The following SMYD3 variants were observed in gnomAD, a reference collection of about 807,000 sequenced individuals.
SMYD3 encodes histone-lysine N-methyltransferase SMYD3.
A neutral mutation model predicts 57.7 loss-of-function variants in SMYD3; 36 were observed. That is an observed-to-expected ratio of 0.62 (90% confidence interval 0.48 to 0.82). The LOEUF is 0.82. Among genes scored for constraint, SMYD3 ranks in the 40% least tolerant of loss-of-function variants. The pLI, the probability that SMYD3 is intolerant of heterozygous loss-of-function variation, is 0.00. For missense variants in SMYD3, 515 were observed against 538.8 expected (o/e 0.96, Z 0.44); for synonymous variants, 211 against 195.0 (o/e 1.08, Z -0.68).
chr1:246,044,373 T>C (rs1181227701), intron 5 of SMYD3, among the ~76,000 whole-genome samples: 1 of 152,204 alleles, frequency 6.6e-6, no homozygotes, highest in South Asian at 2.1e-4. Context: ...GAGAACTCCA[T>C]GTCAAATGGA....
intron 5 of SMYD3, among the ~76,000 whole-genome samples, chr1:246,013,011 A>G (rs977670715): frequency 2.6e-5 from 4 of 151,774 alleles, no homozygotes; most frequent in African/African-American, 9.7e-5. Context: ...AACAGGTCTT[A>G]CATTCCCACA....
intron 5 of SMYD3, among the ~76,000 whole-genome samples, chr1:246,033,031 G>A (rs924994707): frequency 1.4e-4 from 22 of 152,130 alleles, no homozygotes; most frequent in Admixed American, 1.1e-3. Flanking sequence ...GCATACAACC[G>A]AGCAATTTGC....
At chr1:245,887,446 C>T (rs1337161439) in intron 8 of SMYD3, among the ~76,000 whole-genome samples, 2 of 152,184 alleles carry the variant, frequency 1.3e-5, no homozygotes, top group Admixed American at 1.3e-4. Context: ...TATTCCTCCA[C>T]CTTCTTAATA....
At chr1:246,089,651 T>C (rs1414224665) in intron 5 of SMYD3, among the ~76,000 whole-genome samples, 1 of 152,202 alleles carries the variant, frequency 6.6e-6, no homozygotes, top group Non-Finnish European at 1.5e-5. Flanking sequence ...TCATGTTATA[T>C]TTCTTTTGCA....
intron 9 of SMYD3, 99 bp from the exon 10 acceptor site, chr1:245,858,769 C>G (rs2185370): frequency 7.9e-7 from 1 of 1,263,220 alleles, no homozygotes; most frequent in Admixed American, 2.4e-5. Context: ...AGCACAGGAG[C>G]GAGGGAAGCA....
At chr1:246,306,992 G>GT (rs2064990605) in intron 5 of SMYD3, among the ~76,000 whole-genome samples, 1 of 145,634 alleles carries the variant, frequency 6.9e-6, no homozygotes, top group South Asian at 2.2e-4. Flanking sequence ...TCTTAAGAAT[G>GT]AAAAAAAAAA....
chr1:246,311,343 CA>C (rs1482069867), intron 5 of SMYD3, among the ~76,000 whole-genome samples: 1 of 151,802 alleles, frequency 6.6e-6, no homozygotes, highest in Non-Finnish European at 1.5e-5. Context: ...ATTTTCAGCA[CA>C]AAAAAAATCT....
At chr1:245,969,540 A>T (rs978181104) in intron 5 of SMYD3, among the ~76,000 whole-genome samples, 1 of 152,248 alleles carries the variant, frequency 6.6e-6, no homozygotes, top group Admixed American at 6.5e-5. Flanking sequence ...AAACTCAGAA[A>T]CATACCCGTT....
At chr1:245,776,894 G>T (rs148110448) in intron 10 of SMYD3, among the ~76,000 whole-genome samples, 1 of 152,202 alleles carries the variant, frequency 6.6e-6, no homozygotes, top group African/African-American at 2.4e-5. Flanking sequence ...GGACACAGCC[G>T]TGTCTATTCA....
intron 10 of SMYD3, among the ~76,000 whole-genome samples, chr1:245,834,339 C>T (rs966184803): frequency 6.6e-6 from 1 of 152,148 alleles, no homozygotes; most frequent in Non-Finnish European, 1.5e-5. Context: ...AAGTGGCTGA[C>T]CTTTGTCACG....
intron 5 of SMYD3, among the ~76,000 whole-genome samples, chr1:246,150,285 T>C (rs1257074842): frequency 6.6e-6 from 1 of 152,212 alleles, no homozygotes; most frequent in Non-Finnish European, 1.5e-5. Flanking sequence ...TCAAAACAGA[T>C]CACATTTCTT....
At chr1:245,951,564 C>G (rs1290011666) in intron 5 of SMYD3, among the ~76,000 whole-genome samples, 3 of 122,340 alleles carry the variant, frequency 2.5e-5, no homozygotes, top group African/African-American at 3.6e-5. Flanking sequence ...GCGAGGCTCT[C>G]TCTCAAAAAA....
At chr1:245,945,067 C>T (rs1443284256) in intron 5 of SMYD3, among the ~76,000 whole-genome samples, 2 of 152,092 alleles carry the variant, frequency 1.3e-5, no homozygotes, top group Non-Finnish European at 2.9e-5. Context: ...CCATTCAGGA[C>T]ATAGGCATAG....
At chr1:246,446,384 G>A (rs1023532686) in intron 1 of SMYD3, among the ~76,000 whole-genome samples, 1 of 152,056 alleles carries the variant, frequency 6.6e-6, no homozygotes, top group African/African-American at 2.4e-5. Flanking sequence ...GAAAAGGCAT[G>A]ACCATTTACT....
chr1:245,929,168 G>A (rs897593058), intron 6 of SMYD3, among the ~76,000 whole-genome samples: 1 of 152,188 alleles, frequency 6.6e-6, no homozygotes, highest in Admixed American at 6.5e-5. Flanking sequence ...CCCATGCTTT[G>A]AATCATCCTA....
chr1:246,271,004 T>C (rs2064209310), intron 5 of SMYD3, among the ~76,000 whole-genome samples: 1 of 152,198 alleles, frequency 6.6e-6, no homozygotes, highest in African/African-American at 2.4e-5. Context: ...TAAATAGCAG[T>C]CATCCTAATT....
intron 7 of SMYD3, among the ~76,000 whole-genome samples, chr1:245,922,618 T>TC (rs72503293): frequency 6.6e-6 from 1 of 151,830 alleles, no homozygotes; most frequent in Non-Finnish European, 1.5e-5. Flanking sequence ...TATTTTTTTT[T>TC]TGGACACTCA....
chr1:246,456,759 T>A (rs1183922564), intron 1 of SMYD3, among the ~76,000 whole-genome samples: 1 of 152,110 alleles, frequency 6.6e-6, no homozygotes, highest in Admixed American at 6.5e-5. Flanking sequence ...AAATCAAATA[T>A]CTATAATCAG....
intron 5 of SMYD3, among the ~76,000 whole-genome samples, chr1:246,160,445 G>C (rs1211404960): frequency 1.3e-5 from 2 of 152,134 alleles, no homozygotes; most frequent in Non-Finnish European, 2.9e-5. Flanking sequence ...ACCTGGGGAG[G>C]GAGAAAAGAC....
Sources: allele counts gnomAD v4.1 joint callset (sites outside exome capture counted in the v4.1 genomes callset), GRCh38; gene constraint gnomAD v4.1.1; transcripts MANE v1.5; gene names NCBI Gene and HGNC (gene_info 2026-07-23, HGNC 2026-07-21).